MAB21L3: variants seen among roughly 807,000 people sequenced by gnomAD.
MAB21L3 encodes the protein mab-21 like 3.
In MAB21L3, 36 loss-of-function variants were observed where a neutral mutation model predicts 37.7. That is an observed-to-expected ratio of 0.96 (90% confidence interval 0.73 to 1.26). The LOEUF (loss-of-function observed/expected upper bound fraction) is 1.26. MAB21L3 is among the 50% of genes most tolerant of loss of function. MAB21L3 has a pLI of 0.00. For synonymous variants in MAB21L3, 186 were observed against 176.8 expected (o/e 1.05, Z -0.41); for missense variants, 430 against 447.3 (o/e 0.96, Z 0.35).
intron 3 of MAB21L3, among the ~76,000 whole-genome samples, chr1:116,113,179 G>A (rs1015762465): frequency 6.6e-6 from 1 of 152,144 alleles, no homozygotes; most frequent in African/African-American, 2.4e-5. Context: ...AGAACTTGAA[G>A]GAAACTTAAA....
At position 116,136,230 on chromosome 1, in the gene MAB21L3, C is replaced by T. The variant is rs1660195274; in HGVS notation, c.*2865C>T. Among the ~76,000 whole-genome samples the T allele has an allele frequency of 6.6e-6, 1 of 151,714 alleles. No homozygotes were observed. The highest frequency in any genetic ancestry group is 6.6e-5 in the Admixed American group (1 of 15,246). ...ACATGATTGTATATCTAGAAAACCC[C>T]ATTGTCTCAGCCCAAAATCTCCTTA... On this transcript the variant is annotated 3_prime_UTR_variant, in exon 8 of 8. Transcript: ENST00000369500.
chr1:116,127,382 C>A, intron 5 of MAB21L3, 84 bp from the exon 6 acceptor site: 1 of 1,389,480 alleles, frequency 7.2e-7, no homozygotes, highest in Non-Finnish European at 1.0e-6. Flanking sequence ...CTGGTCAGAG[C>A]AACTGCTCAC....
At chr1:116,118,133 C>T (rs1659643725) in intron 3 of MAB21L3, among the ~76,000 whole-genome samples, 1 of 152,120 alleles carries the variant, frequency 6.6e-6, no homozygotes, top group African/African-American at 2.4e-5. Context: ...CCTGTAATCC[C>T]AGCACTTTGG....
Position 116,135,725 on chromosome 1 carries a change from C to A in MAB21L3, c.*2360C>A, listed in dbSNP as rs1159429189. 1.3e-5 allele frequency among the ~76,000 whole-genome samples: 2 copies of A among 152,162 alleles called. No individual in the cohort carries two copies. Among genetic ancestry groups the A allele is most frequent in the Non-Finnish European group, 2.9e-5 (2 of 68,038 alleles). On this transcript the variant is annotated 3_prime_UTR_variant, in exon 8 of 8. Transcript: ENST00000369500. ...CTTGTTGAACATTGATGCAAAAATC[C>A]TCAGTAAAATTCTGGCAAACCGAAT...
Position 116,136,233 on chromosome 1 carries a change from T to C in MAB21L3, c.*2868T>C, listed in dbSNP as rs1169856278. 5.4e-3 allele frequency among the ~76,000 whole-genome samples: 801 copies of C among 148,566 alleles called. 5 individuals carry two copies. Among genetic ancestry groups the C allele is most frequent in the African/African-American group, 0.019 (754 of 39,624 alleles). ...TGATTGTATATCTAGAAAACCCCAT[T>C]GTCTCAGCCCAAAATCTCCTTAAGC... On this transcript the variant is annotated 3_prime_UTR_variant, in exon 8 of 8. Coordinates refer to ENST00000369500, the MANE Select transcript of MAB21L3 (RefSeq NM_152367.3).
chr1:116,136,019 T>G lies in MAB21L3; in HGVS notation c.*2654T>G, dbSNP rs1660191909. ...ATCTATGACAAACCCACAGGCAATA[T>G]CATACTGAATGGGCAAAAACTGGAA... On this transcript the variant is annotated 3_prime_UTR_variant, in exon 8 of 8. Transcript: ENST00000369500. Among the ~76,000 whole-genome samples the G allele has an allele frequency of 6.7e-6, 1 of 150,326 alleles. No homozygotes were observed. The highest frequency in any genetic ancestry group is 2.5e-5 in the African/African-American group (1 of 40,410).
rs191406332 is a variant in MAB21L3 at position 116,112,736 on chromosome 1, A to C, written c.48+73A>C. 7.1e-5 allele frequency: 106 copies of C among 1,492,766 alleles called. No individual in the cohort carries two copies. In the African/African-American group the frequency reaches 1.3e-3, roughly 18 times the overall value. The allele number at this position is 1,492,766 out of a possible 1,614,324, so 92.5% of individuals were successfully genotyped here. A position where few individuals can be genotyped will look rare whatever the true frequency, so the allele number is the denominator to read the frequency against. On this transcript the variant is annotated intron_variant, in intron 3 of 7. Transcript: ENST00000369500. The stretch of plus-strand genomic sequence containing the variant: ...TACTTCCAAACAAACCTTCGTCCAG[A>C]AAGGATCTCAGGCTCTTTCTAAAGA...
intron 3 of MAB21L3, among the ~76,000 whole-genome samples, chr1:116,116,252 C>G (rs189983302): frequency 6.6e-6 from 1 of 152,260 alleles, no homozygotes; most frequent in East Asian, 1.9e-4. Context: ...CTGGAAACCC[C>G]CAGCACAAAT....
At chr1:116,123,554 T>C (rs1211568367) in intron 4 of MAB21L3, among the ~76,000 whole-genome samples, 1 of 152,240 alleles carries the variant, frequency 6.6e-6, no homozygotes, top group African/African-American at 2.4e-5. Context: ...CTGAACAAGC[T>C]GTCCAAAGAC....
At chr1:116,130,027 T>C (rs1425862299) in intron 7 of MAB21L3, among the ~76,000 whole-genome samples, 3 of 152,228 alleles carry the variant, frequency 2.0e-5, no homozygotes, top group Non-Finnish European at 2.9e-5. Flanking sequence ...TTAGCTTCTC[T>C]TGCTTTCCTT....
Position 116,121,140 on chromosome 1 carries a change from TG to T in MAB21L3, c.189+69del, listed in dbSNP as rs1257126035. ...GGACACTTGGGCAGGTGAATCTCAG[TG>T]TGTGACAGATGCTTGCCTCACTCAG... is the stretch of plus-strand genomic sequence containing the variant. On this transcript the variant is annotated intron_variant, in intron 4 of 7. Coordinates refer to ENST00000369500, the MANE Select transcript of MAB21L3 (RefSeq NM_152367.3). 2.0e-6 allele frequency: 3 copies of T among 1,466,480 alleles called. 1 individual carries two copies. The Admixed American group carries it at 5.5e-5, about 27-fold the overall frequency. 90.8% of individuals were successfully genotyped at this position (1,466,480 alleles called of 1,614,324 possible).
Position 116,121,065 on chromosome 1 carries a change from A to C in MAB21L3, c.182A>C (p.Asn61Thr). The change falls in exon 4 of 8, where the codon AAT becomes ACT. Residue 61 changes from asparagine (N) to threonine (T), a missense_variant. Asn to Thr is a moderately conservative substitution (Grantham distance 65). Transcript: ENST00000369500. ...CCTTACTCTGACACGTACAATGAAA[A>C]TATTAAGGTAAGCAAGTCTTGCTGT... Reference protein sequence around the residue: ...AVPYSDTYNENIKVLAPSQFL... With the variant: ...AVPYSDTYNETIKVLAPSQFL... 6.2e-7 allele frequency: 1 copy of C among 1,613,304 alleles called. No homozygotes were observed. Among genetic ancestry groups the C allele is most frequent in the Non-Finnish European group, 8.5e-7 (1 of 1,179,620 alleles).
At chr1:116,125,721 G>T (rs1659889956) in intron 5 of MAB21L3, among the ~76,000 whole-genome samples, 1 of 152,190 alleles carries the variant, frequency 6.6e-6, no homozygotes, top group Non-Finnish European at 1.5e-5. Flanking sequence ...AGTTTCATGG[G>T]TTATTTAATT....
chr1:116,113,431 A>G (rs1279241005), intron 3 of MAB21L3, among the ~76,000 whole-genome samples: 1 of 152,140 alleles, frequency 6.6e-6, no homozygotes, highest in Non-Finnish European at 1.5e-5. Flanking sequence ...AAACAAAGTG[A>G]TTTCCCATTA....
chr1:116,128,743 T>C (rs72689493), intron 7 of MAB21L3, among the ~76,000 whole-genome samples: 57 of 152,310 alleles, frequency 3.7e-4, no homozygotes, highest in Non-Finnish European at 7.1e-4. Flanking sequence ...GCTTTATGTT[T>C]GCGCCAGTCT....
chr1:116,131,591 T>C (rs981139637), intron 7 of MAB21L3, among the ~76,000 whole-genome samples: 1 of 152,232 alleles, frequency 6.6e-6, no homozygotes, highest in Non-Finnish European at 1.5e-5. Context: ...CTTGGCTCAC[T>C]GCAAGCTCCA....
intron 5 of MAB21L3, among the ~76,000 whole-genome samples, chr1:116,125,890 G>A (rs985185476): frequency 5.9e-5 from 9 of 151,870 alleles, no homozygotes; most frequent in South Asian, 2.1e-4. Context: ...GGTGTGGGCC[G>A]GCAGGCTGGC....
At chr1:116,119,984 T>C (rs973897650) in intron 3 of MAB21L3, among the ~76,000 whole-genome samples, 1 of 152,166 alleles carries the variant, frequency 6.6e-6, no homozygotes, top group African/African-American at 2.4e-5. Flanking sequence ...AACCATCATT[T>C]ACTGATGACA....
rs1303887656 is a variant in MAB21L3, at chr1:116,137,434, C to T, written c.*4069C>T. Among the ~76,000 whole-genome samples, 2 of 137,142 alleles carry T rather than the reference C, an allele frequency of 1.5e-5. No individual in the cohort carries two copies. The highest frequency in any genetic ancestry group is 3.0e-5 in the Non-Finnish European group (2 of 66,352). 90.0% of individuals were successfully genotyped at this position (137,142 alleles called of 152,430 possible). On this transcript the variant is annotated 3_prime_UTR_variant, in exon 8 of 8. Coordinates refer to ENST00000369500, the MANE Select transcript of MAB21L3 (RefSeq NM_152367.3). ...TCAAAACCACAGTGAGATACCATCT[C>T]ACACCAGTTAGAATGGCAATCATTA...
Sources: allele counts gnomAD v4.1 joint callset (sites outside exome capture counted in the v4.1 genomes callset), GRCh38; gene constraint gnomAD v4.1.1; transcripts MANE v1.5; gene names NCBI Gene and HGNC (gene_info 2026-07-23, HGNC 2026-07-21).